Variants in AFAP1 observed in about 807,000 individuals in gnomAD.
The protein encoded by AFAP1 is actin filament associated protein 1.
Under a neutral mutation model 93.9 loss-of-function variants are expected in AFAP1, and 75 were observed. The observed-to-expected ratio is 0.80, with a 90% CI of 0.66 to 0.97. AFAP1 has a LOEUF of 0.97. Among genes scored for constraint, AFAP1 ranks in the 50% least tolerant of loss-of-function variants. The pLI is 0.00. For missense variants in AFAP1, 1,201 were observed against 1,050.8 expected (o/e 1.14, Z -1.98); for synonymous variants, 517 against 430.7 (o/e 1.20, Z -2.48).
chr4:7,891,171 C>CA (rs1221690186), intron 1 of AFAP1, among the ~76,000 whole-genome samples: 1 of 152,060 alleles, frequency 6.6e-6, no homozygotes, highest in African/African-American at 2.4e-5. Flanking sequence ...AACACAAGCC[C>CA]AAAAGGCATG....
chr4:7,911,556 C>T (rs1719728923), intron 1 of AFAP1, among the ~76,000 whole-genome samples: 1 of 152,230 alleles, frequency 6.6e-6, no homozygotes, highest in Non-Finnish European at 1.5e-5. Context: ...CCCTCATCCG[C>T]TCCTCCCAGC....
chr4:7,832,377 G>T (rs564144968), intron 6 of AFAP1, among the ~76,000 whole-genome samples: 1 of 151,920 alleles, frequency 6.6e-6, no homozygotes. Flanking sequence ...GGCAGACAGC[G>T]GTGGGAGCCA....
rs756961714 is a variant in AFAP1, at chr4:7,834,128, C to CACACACAT, written c.726+4395_726+4396insATGTGTGT. Among the ~76,000 whole-genome samples, 304 of 119,458 alleles carry CACACACAT rather than the reference C, an allele frequency of 2.5e-3. 4 individuals carry two copies. The highest frequency in any genetic ancestry group is 0.011 in the African/African-American group (271 of 25,504). The allele number at this position is 119,458 out of a possible 152,430, so 78.4% of individuals were successfully genotyped here. A position where few individuals can be genotyped will look rare whatever the true frequency, so the allele number is the denominator to read the frequency against. On this transcript the variant is annotated intron_variant, in intron 6 of 17. Transcript: ENST00000420658. ...ACACACACACACACACACACACACA[C>CACACACAT]ATATATACAATGGAATACTACTCAG...
intron 6 of AFAP1, among the ~76,000 whole-genome samples, chr4:7,834,724 G>A (rs1187133846): frequency 1.3e-5 from 2 of 152,250 alleles, no homozygotes; most frequent in African/African-American, 2.4e-5. Flanking sequence ...TCAGTGGGAA[G>A]AGAGATCCAA....
At chr4:7,804,474 GGA>G (rs773598922) in intron 9 of AFAP1, among the ~76,000 whole-genome samples, 126,438 of 152,104 alleles carry the variant, frequency 0.83, 52,808 homozygotes, top group African/African-American at 0.91. Context: ...TGTGGCAAGA[GGA>G]TCATGCTAGA....
intron 4 of AFAP1, among the ~76,000 whole-genome samples, chr4:7,845,246 G>C (rs369211021): frequency 6.6e-6 from 1 of 151,814 alleles, no homozygotes; most frequent in African/African-American, 2.4e-5. Context: ...AACATAGCGA[G>C]ACCCTATCTC....
intron 8 of AFAP1, among the ~76,000 whole-genome samples, chr4:7,813,149 A>AG (rs1187829357): frequency 2.6e-5 from 4 of 152,182 alleles, no homozygotes; most frequent in Admixed American, 2.6e-4. Context: ...AAGCTGTATG[A>AG]GTTCAGGATT....
chr4:7,830,645 G>C (rs1447161757), intron 6 of AFAP1, among the ~76,000 whole-genome samples: 1 of 152,068 alleles, frequency 6.6e-6, no homozygotes, highest in Non-Finnish European at 1.5e-5. Flanking sequence ...GTCTCATTCT[G>C]TCACCCAGGC....
At chr4:7,894,268 G>A (rs930254513) in intron 1 of AFAP1, among the ~76,000 whole-genome samples, 4 of 152,180 alleles carry the variant, frequency 2.6e-5, no homozygotes, top group Admixed American at 2.0e-4. Flanking sequence ...CTACAGCCGT[G>A]TTCACACTCC....
At chr4:7,861,759 A>G (rs974727371) in intron 3 of AFAP1, among the ~76,000 whole-genome samples, 2 of 152,268 alleles carry the variant, frequency 1.3e-5, no homozygotes, top group African/African-American at 4.8e-5. Context: ...ACATGAGCCA[A>G]AACTCTGAGA....
chr4:7,803,406 T>G (rs1214861013), intron 9 of AFAP1, among the ~76,000 whole-genome samples: 2 of 152,202 alleles, frequency 1.3e-5, no homozygotes, highest in Non-Finnish European at 2.9e-5. Flanking sequence ...GACCACACAG[T>G]GCAGCAGGGC....
intron 9 of AFAP1, 35 bp downstream of exon 9, chr4:7,809,579 T>C (rs1485156862): frequency 6.3e-7 from 1 of 1,597,368 alleles, no homozygotes; most frequent in Non-Finnish European, 8.5e-7. Flanking sequence ...CCCACTTAGG[T>C]GCACGCTGCT....
chr4:7,801,914 C>CAAAAAA lies in AFAP1; in HGVS notation c.1055-1267_1055-1262dup, dbSNP rs531684652. 1.6e-3 allele frequency among the ~76,000 whole-genome samples: 104 copies of CAAAAAA among 65,182 alleles called. 4 individuals are homozygous for CAAAAAA. The highest frequency in any genetic ancestry group is 0.012 in the Middle Eastern group (1 of 86). 42.8% of individuals were successfully genotyped at this position (65,182 alleles called of 152,430 possible). ...TGAGCAACACAGTGAGACCCTATCA[C>CAAAAAA]AAAAAAAAAAAAAAAAAAAAAAAAA... On this transcript the variant is annotated intron_variant, in intron 9 of 17. Transcript: ENST00000420658.
intron 3 of AFAP1, among the ~76,000 whole-genome samples, chr4:7,864,671 G>A (rs1716209174): frequency 6.6e-6 from 1 of 152,186 alleles, no homozygotes; most frequent in South Asian, 2.1e-4. Flanking sequence ...CTGTTGAGTT[G>A]TGTATTTACC....
At chr4:7,872,236 A>G (rs935780399) in intron 1 of AFAP1, 156 bp from the exon 2 acceptor site, 5 of 872,264 alleles carry the variant, frequency 5.7e-6, no homozygotes, top group Admixed American at 3.1e-5. Context: ...AGGTCCACTA[A>G]AAGATTCAGG....
At chr4:7,773,060 A>T (rs1401391497) in intron 15 of AFAP1, 50 bp from the exon 16 acceptor site, 2 of 1,571,752 alleles carry the variant, frequency 1.3e-6, no homozygotes, top group Non-Finnish European at 1.7e-6. Flanking sequence ...CAGGTTCTCC[A>T]AACAACAGAG....
intron 5 of AFAP1, among the ~76,000 whole-genome samples, chr4:7,840,051 T>G (rs28684644): frequency 0.17 from 25,563 of 152,046 alleles, 2,513 homozygotes; most frequent in Non-Finnish European, 0.23. Flanking sequence ...TTCTGCAGAT[T>G]ATGAAACCGA....
In AFAP1 at chr4:7,781,639, A is replaced by G. The variant is rs761830725; in HGVS notation, c.1531-12T>C. The G allele has an allele frequency of 6.4e-7, 1 of 1,551,308 alleles. No homozygotes were observed. Among genetic ancestry groups the G allele is most frequent in the Non-Finnish European group, 8.7e-7 (1 of 1,146,674 alleles). ...TCTTCCGGTTCCCACTGCAACACAC[A>G]TAGCTTTGTGGTTAGTGACTTGGAC... On this transcript the variant is annotated splice_polypyrimidine_tract_variant and intron_variant, in intron 12 of 17. Coordinates refer to ENST00000420658, the MANE Select transcript of AFAP1 (RefSeq NM_001134647.2).
intron 1 of AFAP1, among the ~76,000 whole-genome samples, chr4:7,903,722 T>A (rs1184501167): frequency 6.6e-6 from 1 of 152,084 alleles, no homozygotes; most frequent in African/African-American, 2.4e-5. Flanking sequence ...GAGAATAAGA[T>A]ACCAAAAGAA....
Sources: allele counts gnomAD v4.1 joint callset (sites outside exome capture counted in the v4.1 genomes callset), GRCh38; gene constraint gnomAD v4.1.1; transcripts MANE v1.5; gene names NCBI Gene and HGNC (gene_info 2026-07-23, HGNC 2026-07-21).